STEAP4: variants seen among roughly 807,000 people sequenced by gnomAD.
The protein encoded by STEAP4 is metalloreductase STEAP4.
STEAP4 carries 36 observed loss-of-function variants against 43.6 expected under a neutral mutation model. The observed-to-expected ratio is 0.83, with a 90% confidence interval of 0.63 to 1.09. The LOEUF (loss-of-function observed/expected upper bound fraction) is 1.09, where lower values mean the gene tolerates loss of function less well. Ranked by LOEUF, STEAP4 falls within the 50% of genes least tolerant of loss-of-function variation. The pLI, the probability that STEAP4 is intolerant of heterozygous loss-of-function variation, is 0.00. For missense variants in STEAP4, 495 were observed against 546.5 expected, an observed-to-expected ratio of 0.91 and a Z score of 0.94; for synonymous variants, 191 against 196.7, an observed-to-expected ratio of 0.97 and a Z score of 0.24.
chr7:88,286,706 G>T (rs1205934965), intron 1 of STEAP4, among the ~76,000 whole-genome samples: 7 of 150,628 alleles, frequency 4.6e-5, no homozygotes, highest in Admixed American at 4.6e-4. Context: ...GTGAGACTCT[G>T]TCCCCTGCCC....
chr7:88,281,417 T>C (rs981713056), intron 3 of STEAP4: 1 of 177,330 alleles, frequency 5.6e-6, no homozygotes, highest in Non-Finnish European at 1.2e-5. Flanking sequence ...AACAATTACA[T>C]CAGAATTCTG....
intron 1 of STEAP4, among the ~76,000 whole-genome samples, chr7:88,291,228 T>C (rs1333993609): frequency 6.6e-6 from 1 of 151,932 alleles, no homozygotes; most frequent in Non-Finnish European, 1.5e-5. Context: ...TTATTTCTTA[T>C]AAATAAAACT....
At chr7:88,302,718 C>G (rs1170428663) in intron 1 of STEAP4, among the ~76,000 whole-genome samples, 2 of 151,924 alleles carry the variant, frequency 1.3e-5, no homozygotes, top group East Asian at 1.9e-4. Context: ...CTTCGGGAGG[C>G]CAAGACAGGC....
intron 3 of STEAP4, chr7:88,282,351 G>C (rs1014290989): frequency 8.2e-6 from 3 of 367,890 alleles, no homozygotes; most frequent in Admixed American, 8.8e-5. Context: ...GTTTCACCAT[G>C]TTGGCCAGGA....
chr7:88,305,783 T>TCAGA (rs1554544385), intron 1 of STEAP4, among the ~76,000 whole-genome samples: 5 of 152,150 alleles, frequency 3.3e-5, no homozygotes, highest in African/African-American at 9.6e-5. Flanking sequence ...TTTCACCTTG[T>TCAGA]TAGAGTTGAA....
rs771083851 is a variant in STEAP4 at position 88,279,603 on chromosome 7, A to G, written c.1175T>C (p.Ile392Thr). 4 of 1,613,364 alleles carry G rather than the reference A, an allele frequency of 2.5e-6. No individual in the cohort carries two copies. In the East Asian group the frequency reaches 8.9e-5, roughly 36 times the overall value. ...VQSKLGYLTL[I>T]LCTAHTLVYG... ...CACCAGGGTGTGGGCTGTACACAAGATCAGGGTCAAATAACCCAGTTTGGA... is the reference window on the plus strand; with the variant it reads ...CACCAGGGTGTGGGCTGTACACAAGGTCAGGGTCAAATAACCCAGTTTGGA... Residue 392 changes from isoleucine (I) to threonine (T), a missense_variant, in exon 5 of 5, where the codon ATC (isoleucine) becomes ACC (threonine). Transcript: ENST00000380079.
intron 1 of STEAP4, among the ~76,000 whole-genome samples, chr7:88,299,458 T>C (rs902731167): frequency 1.3e-5 from 2 of 152,204 alleles, no homozygotes; most frequent in African/African-American, 4.8e-5. Context: ...CTTACAAATC[T>C]GTGGGTCACC....
rs368428328 is a variant in STEAP4, at chr7:88,279,557, G to C, written c.1221C>G (p.Leu407=). 125 of 1,613,928 alleles carry C rather than the reference G, an allele frequency of 7.7e-5. No homozygotes were observed. Among genetic ancestry groups the C allele is most frequent in the Non-Finnish European group, 1.0e-4 (123 of 1,180,006 alleles). The change falls in exon 5 of 5, where the codon CTC becomes CTG. Residue 407 remains leucine, a synonymous_variant. Coordinates refer to ENST00000380079, the MANE Select transcript of STEAP4 (RefSeq NM_024636.4). ...HTLVYGGKRF[L]SPSNLRWYLP... ...GATACCATCTGAGATTTGAAGGGCT[G>C]AGGAATCTCTTCCCACCGTACACCA...
intron 1 of STEAP4, among the ~76,000 whole-genome samples, chr7:88,303,157 T>C (rs954536819): frequency 4.3e-4 from 62 of 144,276 alleles, no homozygotes; most frequent in African/African-American, 1.5e-3. Flanking sequence ...TTTATCCTGA[T>C]GTTAGGATTG....
Position 88,273,070 on chromosome 7 carries a change from A to C in STEAP4, c.*6328T>G, listed in dbSNP as rs1852460793. On this transcript the variant is annotated 3_prime_UTR_variant, in exon 5 of 5. Coordinates refer to ENST00000380079, the MANE Select transcript of STEAP4 (RefSeq NM_024636.4). The stretch of plus-strand genomic sequence containing the variant: ...ATGTACAATGTATAGTGATCAGATC[A>C]GTGTAATTAGCATATCCATCATTGC... 1 of 152,248 alleles carries C rather than the reference A, an allele frequency of 6.6e-6. No individual in the cohort carries two copies. The highest frequency in any genetic ancestry group is 2.1e-4 in the South Asian group (1 of 4,836). The allele number at this position is 152,248 out of a possible 1,614,324, so 9.4% of individuals were successfully genotyped here. A position where few individuals can be genotyped will look rare whatever the true frequency, so the allele number is the denominator to read the frequency against.
At position 88,276,436 on chromosome 7, in the gene STEAP4, A is replaced by G. The variant is rs1378342091; in HGVS notation, c.*2962T>C. The G allele has an allele frequency of 6.6e-6, 1 of 152,242 alleles. No homozygotes were observed. Among genetic ancestry groups the G allele is most frequent in the African/African-American group, 2.4e-5 (1 of 41,454 alleles). 9.4% of individuals were successfully genotyped at this position (152,242 alleles called of 1,614,324 possible). A position where few individuals can be genotyped will look rare whatever the true frequency, so the allele number is the denominator to read the frequency against. On this transcript the variant is annotated 3_prime_UTR_variant, in exon 5 of 5. Coordinates refer to ENST00000380079, the MANE Select transcript of STEAP4 (RefSeq NM_024636.4). Reference sequence around the variant, plus strand: ...TTAAACAAAACTAGGAAATATTTTTAAAGTAACATTTAATGAATACACATT... The same window carrying G: ...TTAAACAAAACTAGGAAATATTTTTGAAGTAACATTTAATGAATACACATT...
intron 1 of STEAP4, among the ~76,000 whole-genome samples, chr7:88,301,414 A>T (rs1853031040): frequency 6.6e-6 from 1 of 152,170 alleles, no homozygotes; most frequent in South Asian, 2.1e-4. Flanking sequence ...CTGAGACTAC[A>T]TGTATGCACT....
chr7:88,282,729 C>G lies in STEAP4; in HGVS notation c.896G>C (p.Gly299Ala). The G allele has an allele frequency of 1.2e-6, 2 of 1,614,014 alleles. No individual in the cohort carries two copies. Among genetic ancestry groups the G allele is most frequent in the Non-Finnish European group, 8.5e-7 (1 of 1,179,998 alleles). ...GTAGAGGACATGAAGGAAGGCAAAT[C>G]CCAGAGCTACCAAGCCAAGCTGCTT... Reference protein sequence around the residue: ...CRKQLGLVALGFAFLHVLYTL... With the variant: ...CRKQLGLVALAFAFLHVLYTL... Residue 299 changes from glycine (G) to alanine (A), a missense_variant, in exon 3 of 5, where the codon GGA (glycine) becomes GCA (alanine). Transcript: ENST00000380079.
chr7:88,289,049 T>C (rs1286710537), intron 1 of STEAP4, among the ~76,000 whole-genome samples: 1 of 150,988 alleles, frequency 6.6e-6, no homozygotes, highest in Non-Finnish European at 1.5e-5. Flanking sequence ...TTTTTTTTGG[T>C]GCATGCATGC....
rs572254987 is a variant in STEAP4 at position 88,275,879 on chromosome 7, G to A, written c.*3519C>T. On this transcript the variant is annotated 3_prime_UTR_variant, in exon 5 of 5. Transcript: ENST00000380079. ...TCTAATTGAAATGGCTTTTTCAGTA[G>A]GGGCTTTCCATTTGCTTCCAGCTTC... 26 of 152,226 alleles carry A rather than the reference G, an allele frequency of 1.7e-4. No homozygotes were observed. The highest frequency in any genetic ancestry group is 6.3e-4 in the African/African-American group (26 of 41,536). The allele number at this position is 152,226 out of a possible 1,614,324, so 9.4% of individuals were successfully genotyped here.
chr7:88,280,030 C>A (rs1020908094), intron 4 of STEAP4, among the ~76,000 whole-genome samples: 7 of 152,156 alleles, frequency 4.6e-5, no homozygotes, highest in African/African-American at 1.7e-4. Flanking sequence ...ATGTTACTGA[C>A]TAAAACCAGA....
At position 88,282,749 on chromosome 7, in the gene STEAP4, C is replaced by T. The variant is rs778978786; in HGVS notation, c.876G>A (p.Gln292=). The T allele has an allele frequency of 1.1e-5, 17 of 1,614,014 alleles. No homozygotes were observed. In the Admixed American group the frequency reaches 2.3e-4, roughly 22 times the overall value. Residue 292 remains glutamine (Q), a synonymous_variant, in exon 3 of 5, where the codon CAG becomes CAA. Transcript: ENST00000380079. ...CAAATCCCAGAGCTACCAAGCCAAG[C>T]TGCTTTCGGCAAAGCATCCAGTGGT... is the stretch of plus-strand genomic sequence containing the variant. The part of the protein sequence containing the change: ...WLDHWMLCRK[Q]LGLVALGFAF...
chr7:88,273,248 A>G lies in STEAP4; in HGVS notation c.*6150T>C, dbSNP rs1852463702. On this transcript the variant is annotated 3_prime_UTR_variant, in exon 5 of 5. Coordinates refer to ENST00000380079, the MANE Select transcript of STEAP4 (RefSeq NM_024636.4). The stretch of plus-strand genomic sequence containing the variant: ...ATGAAATGAGAACAGGAAGTCTGTC[A>G]TTCTTTTTCATCTCTATCTTAGCAT... The G allele has an allele frequency of 6.6e-6, 1 of 152,224 alleles. No homozygotes were observed. The highest frequency in any genetic ancestry group is 2.4e-5 in the African/African-American group (1 of 41,462). The allele number at this position is 152,224 out of a possible 1,614,324, so 9.4% of individuals were successfully genotyped here.
chr7:88,291,198 GA>G lies in STEAP4; in HGVS notation c.-2-6928del, dbSNP rs1852827418. Among the ~76,000 whole-genome samples, 7 of 152,066 alleles carry G rather than the reference GA, an allele frequency of 4.6e-5. 1 individual carries two copies. In the South Asian group the frequency reaches 1.5e-3, roughly 32 times the overall value. On this transcript the variant is annotated intron_variant, in intron 1 of 4. Transcript: ENST00000380079. ...TGAACTAGAGTGCAACGATTCTTAA[GA>G]ATCTCCTACTTGTCCCACTTATTTC...
Sources: allele counts gnomAD v4.1 joint callset (sites outside exome capture counted in the v4.1 genomes callset), GRCh38; gene constraint gnomAD v4.1.1; transcripts MANE v1.5; gene names NCBI Gene and HGNC (gene_info 2026-07-23, HGNC 2026-07-21).